The following CADM2 variants were observed in gnomAD, a reference collection of about 807,000 sequenced individuals.
CADM2 encodes cell adhesion molecule 2.
In CADM2, 12 loss-of-function variants were observed where a neutral mutation model predicts 49.8. The observed-to-expected ratio is 0.24, with a 90% CI of 0.15 to 0.39. The LOEUF (loss-of-function observed/expected upper bound fraction) is 0.39, where lower values mean the gene tolerates loss of function less well. Ranked by LOEUF, CADM2 falls within the 10% of genes least tolerant of loss-of-function variation. The pLI is 1.00. For missense variants in CADM2, 378 were observed against 492.3 expected (o/e 0.77, Z 2.20); for synonymous variants, 214 against 175.4 (o/e 1.22, Z -1.74).
chr3:84,979,999 T>A (rs992029467), intron 1 of CADM2, among the ~76,000 whole-genome samples: 1 of 152,216 alleles, frequency 6.6e-6, no homozygotes, highest in South Asian at 2.1e-4. Context: ...GAAAGCCAAA[T>A]ACCTATTATT....
rs532813539 is a variant in CADM2 at position 85,177,251 on chromosome 3, A to G, written c.61+217583A>G. Among the ~76,000 whole-genome samples, 3 of 152,306 alleles carry G rather than the reference A, an allele frequency of 2.0e-5. No individual in the cohort carries two copies. In the South Asian group the frequency reaches 6.2e-4, roughly 32 times the overall value. ...AAATAATCCAGTAGCAACTCCTAGT[A>G]CGGGGCAGTAAGTTCTCTGTGTATA... On this transcript the variant is annotated intron_variant, in intron 1 of 9. Coordinates refer to ENST00000383699, the MANE Select transcript of CADM2 (RefSeq NM_001167675.2).
chr3:86,036,276 C>T (rs1228871804), intron 8 of CADM2, among the ~76,000 whole-genome samples: 1 of 152,120 alleles, frequency 6.6e-6, no homozygotes, highest in African/African-American at 2.4e-5. Context: ...ATCCTAGGTT[C>T]TCTGCAGAAT....
Position 85,873,922 on chromosome 3 carries a change from T to A in CADM2, c.239-9369T>A, listed in dbSNP as rs569010199. 9.2e-5 allele frequency among the ~76,000 whole-genome samples: 14 copies of A among 152,098 alleles called. No individual in the cohort carries two copies. In the South Asian group the frequency reaches 2.9e-3, roughly 32 times the overall value. Reference sequence around the variant, plus strand: ...AAATATTAGTAAGAAGTGGGGAAACTGAGGGAAGGAAGCAAGATCAAGTGG... The same window carrying A: ...AAATATTAGTAAGAAGTGGGGAAACAGAGGGAAGGAAGCAAGATCAAGTGG... On this transcript the variant is annotated intron_variant, in intron 3 of 9. Transcript: ENST00000383699.
At chr3:86,013,969 T>C in intron 8 of CADM2, 1 of 1,522,560 alleles carries the variant, frequency 6.6e-7, no homozygotes, top group Non-Finnish European at 9.0e-7. Context: ...GTTATGGGAG[T>C]ATCTGTTGCA....
At position 85,097,038 on chromosome 3, in the gene CADM2, G is replaced by A. The variant is rs144608078; in HGVS notation, c.61+137370G>A. On this transcript the variant is annotated intron_variant, in intron 1 of 9. Transcript: ENST00000383699. ...TTATACTTTAAGTTTTAGGATACAT[G>A]TGCACAATGTGCAGGTTTGTTACAT... Among the ~76,000 whole-genome samples, 240 of 152,162 alleles carry A rather than the reference G, an allele frequency of 1.6e-3. 3 individuals carry two copies. In the East Asian group the frequency reaches 0.043, roughly 27 times the overall value.
intron 3 of CADM2, among the ~76,000 whole-genome samples, chr3:85,826,247 G>A (rs2073904935): frequency 6.6e-6 from 1 of 151,860 alleles, no homozygotes; most frequent in South Asian, 2.1e-4. Context: ...AGTTAATCAT[G>A]GCATATGTGC....
At chr3:85,100,887 G>A (rs2037985157) in intron 1 of CADM2, among the ~76,000 whole-genome samples, 1 of 152,190 alleles carries the variant, frequency 6.6e-6, no homozygotes, top group Admixed American at 6.5e-5. Context: ...ATAAGCTTAT[G>A]ATAGTCTTTT....
chr3:85,528,860 T>G (rs2061232623), intron 1 of CADM2, among the ~76,000 whole-genome samples: 1 of 152,106 alleles, frequency 6.6e-6, no homozygotes, highest in Non-Finnish European at 1.5e-5. Flanking sequence ...AGCAATGAAA[T>G]AAACAAAAAC....
At chr3:85,291,476 C>A (rs1479187484) in intron 1 of CADM2, among the ~76,000 whole-genome samples, 2 of 148,288 alleles carry the variant, frequency 1.3e-5, no homozygotes, top group Admixed American at 6.6e-5. Flanking sequence ...AACTCCAAGA[C>A]ACATAATTGT....
chr3:85,784,694 C>T (rs1032889331), intron 2 of CADM2, among the ~76,000 whole-genome samples: 3 of 151,912 alleles, frequency 2.0e-5, no homozygotes, highest in Admixed American at 6.6e-5. Context: ...AGTTCTAATC[C>T]GATATGGATT....
chr3:85,713,440 G>A (rs2067183071), intron 1 of CADM2, among the ~76,000 whole-genome samples: 2 of 152,058 alleles, frequency 1.3e-5, no homozygotes, highest in South Asian at 2.1e-4. Flanking sequence ...ATGAGCCACC[G>A]TGCCTAGCCT....
At chr3:85,263,117 G>A (rs931929237) in intron 1 of CADM2, among the ~76,000 whole-genome samples, 9 of 151,846 alleles carry the variant, frequency 5.9e-5, no homozygotes, top group East Asian at 2.0e-4. Flanking sequence ...TTCAGCCTCC[G>A]CAATAGCTGG....
At chr3:84,989,860 C>A (rs2032784679) in intron 1 of CADM2, among the ~76,000 whole-genome samples, 1 of 151,864 alleles carries the variant, frequency 6.6e-6, no homozygotes, top group Admixed American at 6.6e-5. Flanking sequence ...TCTTTTCCAA[C>A]CCATATCATT....
At position 85,387,632 on chromosome 3, in the gene CADM2, C is replaced by T. The variant is rs147802021; in HGVS notation, c.62-338890C>T. Among the ~76,000 whole-genome samples, 190 of 151,932 alleles carry T rather than the reference C, an allele frequency of 1.3e-3. 3 individuals are homozygous for T. The East Asian group carries it at 0.033, about 26-fold the overall frequency. The stretch of plus-strand genomic sequence containing the variant: ...TATTAACTGGTTCTATATTTTAATG[C>T]GGTTTTATATATGAAATATACTAAT... On this transcript the variant is annotated intron_variant, in intron 1 of 9. Coordinates refer to ENST00000383699, the MANE Select transcript of CADM2 (RefSeq NM_001167675.2).
At chr3:85,507,253 G>A (rs186883280) in intron 1 of CADM2, among the ~76,000 whole-genome samples, 1 of 147,172 alleles carries the variant, frequency 6.8e-6, no homozygotes, top group South Asian at 2.1e-4. Flanking sequence ...GTGCGATCTC[G>A]GCTTATTGCA....
intron 3 of CADM2, among the ~76,000 whole-genome samples, chr3:85,841,643 A>T (rs1577449973): frequency 6.6e-6 from 1 of 151,962 alleles, no homozygotes; most frequent in Non-Finnish European, 1.5e-5. Context: ...GTTGGGGTGG[A>T]CGAGTAGTGG....
chr3:85,893,085 A>G (rs769011182), intron 5 of CADM2, among the ~76,000 whole-genome samples: 5 of 152,220 alleles, frequency 3.3e-5, no homozygotes, highest in South Asian at 2.1e-4. Context: ...TGCCACTGCC[A>G]TAGAGATCTT....
At chr3:85,306,787 A>G (rs2044221979) in intron 1 of CADM2, among the ~76,000 whole-genome samples, 1 of 151,918 alleles carries the variant, frequency 6.6e-6, no homozygotes, top group South Asian at 2.1e-4. Flanking sequence ...TTTCATGCCT[A>G]TACTTTACAC....
chr3:85,098,843 C>T (rs569488338), intron 1 of CADM2, among the ~76,000 whole-genome samples: 2 of 152,222 alleles, frequency 1.3e-5, no homozygotes, highest in Non-Finnish European at 2.9e-5. Flanking sequence ...ATAAGTGGAG[C>T]CATGCAGTTC....
Sources: gnomAD v4.1 joint callset for allele counts (sites outside exome capture counted in the v4.1 genomes callset) on GRCh38, gnomAD v4.1.1 for gene constraint, MANE v1.5 for transcripts, NCBI Gene and HGNC (gene_info 2026-07-23, HGNC 2026-07-21) for gene names.